The following PXDNL variants were observed in gnomAD, a reference collection of about 807,000 sequenced individuals.
PXDNL encodes the protein probable oxidoreductase PXDNL.
Under a neutral mutation model 150.8 loss-of-function variants are expected in PXDNL, and 145 were observed. The ratio of observed to expected loss-of-function variants is 0.96; its 90% CI spans 0.84 to 1.10. The LOEUF is 1.10. Among genes scored for constraint, PXDNL ranks in the 50% least tolerant of loss-of-function variants. PXDNL has a pLI of 0.00. For synonymous variants in PXDNL, 757 were observed against 725.7 expected, an observed-to-expected ratio of 1.04 and a Z score of -0.69; for missense variants, 2,087 against 1,873.9, an observed-to-expected ratio of 1.11 and a Z score of -2.10.
chr8:51,711,877 T>G (rs996994677), intron 1 of PXDNL, among the ~76,000 whole-genome samples: 1 of 152,272 alleles, frequency 6.6e-6, no homozygotes, highest in Non-Finnish European at 1.5e-5. Context: ...CATTTATTGT[T>G]ACTGAAACAC....
chr8:51,676,849 G>C (rs1815635462), intron 1 of PXDNL, among the ~76,000 whole-genome samples: 1 of 152,152 alleles, frequency 6.6e-6, no homozygotes, highest in South Asian at 2.1e-4. Context: ...TAATGAAAAA[G>C]AAGAAGATCA....
intron 11 of PXDNL, among the ~76,000 whole-genome samples, chr8:51,448,226 TGTAA>T (rs1200007550): frequency 6.6e-6 from 1 of 152,226 alleles, no homozygotes; most frequent in African/African-American, 2.4e-5. Context: ...CCAGATTCCC[TGTAA>T]GTGTCTGGCG....
intron 1 of PXDNL, among the ~76,000 whole-genome samples, chr8:51,719,070 G>A (rs1169335435): frequency 6.6e-6 from 1 of 151,912 alleles, no homozygotes; most frequent in Non-Finnish European, 1.5e-5. Context: ...CACCCCGTCT[G>A]GGAGGTGAGG....
intron 5 of PXDNL, among the ~76,000 whole-genome samples, chr8:51,493,312 T>TA (rs1326492696): frequency 7.3e-6 from 1 of 136,414 alleles, no homozygotes; most frequent in African/African-American, 3.2e-5. Flanking sequence ...CAAAAGTAGA[T>TA]AAAACCACAA....
chr8:51,637,187 T>A (rs1423675950), intron 2 of PXDNL, among the ~76,000 whole-genome samples: 1 of 152,096 alleles, frequency 6.6e-6, no homozygotes, highest in East Asian at 1.9e-4. Context: ...CAAAACCCCA[T>A]CTGTATGTTA....
chr8:51,759,453 G>A (rs569719116), intron 1 of PXDNL, among the ~76,000 whole-genome samples: 4 of 152,054 alleles, frequency 2.6e-5, no homozygotes, highest in African/African-American at 7.2e-5. Flanking sequence ...ATTTTCTCTT[G>A]ATTATCTATG....
chr8:51,406,158 G>A (rs2130879700), intron 17 of PXDNL, among the ~76,000 whole-genome samples: 1 of 152,290 alleles, frequency 6.6e-6, no homozygotes. Flanking sequence ...AAACATTCCG[G>A]GTACTCTAAT....
At chr8:51,626,186 G>A (rs1814357207) in intron 2 of PXDNL, among the ~76,000 whole-genome samples, 2 of 152,080 alleles carry the variant, frequency 1.3e-5, no homozygotes, top group African/African-American at 4.8e-5. Flanking sequence ...TATAATACTT[G>A]CTATGCACCT....
chr8:51,446,851 G>A (rs1352161350), intron 12 of PXDNL, among the ~76,000 whole-genome samples, 153 bp downstream of exon 12: 2 of 151,978 alleles, frequency 1.3e-5, no homozygotes, highest in African/African-American at 4.8e-5. Context: ...ATAAAAGACT[G>A]ATTGGAAGAA....
chr8:51,388,705 A>G (rs1807801486), intron 17 of PXDNL, among the ~76,000 whole-genome samples: 1 of 152,052 alleles, frequency 6.6e-6, no homozygotes, highest in Admixed American at 6.6e-5. Flanking sequence ...TAAATATTTG[A>G]TGTTTTCAAT....
rs577644813 is a variant in PXDNL at position 51,394,398 on chromosome 8, A to G, written c.3557+13669T>C. Among the ~76,000 whole-genome samples, 3 of 152,294 alleles carry G rather than the reference A, an allele frequency of 2.0e-5. No individual in the cohort carries two copies. The East Asian group carries it at 5.8e-4, about 29-fold the overall frequency. Reference sequence around the variant, plus strand: ...GACTTTTTTGATTTGACTGTCTCATATTGAGGTGAGAAAATTATAACTCTG... The same window carrying G: ...GACTTTTTTGATTTGACTGTCTCATGTTGAGGTGAGAAAATTATAACTCTG... On this transcript the variant is annotated intron_variant, in intron 17 of 22. Transcript: ENST00000356297.
At chr8:51,488,447 T>C (rs946837373) in intron 5 of PXDNL, among the ~76,000 whole-genome samples, 1 of 152,100 alleles carries the variant, frequency 6.6e-6, no homozygotes, top group Non-Finnish European at 1.5e-5. Context: ...CCACCATCCA[T>C]ACAGAACACC....
intron 12 of PXDNL, among the ~76,000 whole-genome samples, chr8:51,429,397 T>C (rs1809195856): frequency 6.6e-6 from 1 of 152,126 alleles, no homozygotes; most frequent in African/African-American, 2.4e-5. Context: ...CTGGCCAGCA[T>C]GGTGAAACCC....
chr8:51,625,575 G>C (rs1814346145), intron 2 of PXDNL, among the ~76,000 whole-genome samples: 1 of 152,100 alleles, frequency 6.6e-6, no homozygotes, highest in Non-Finnish European at 1.5e-5. Flanking sequence ...AAATATCAGG[G>C]TTCAAATTTC....
intron 1 of PXDNL, among the ~76,000 whole-genome samples, chr8:51,667,496 T>C (rs568241826): frequency 3.3e-5 from 5 of 152,202 alleles, no homozygotes; most frequent in Non-Finnish European, 5.9e-5. Flanking sequence ...GTTGCCCTCT[T>C]TTCTTCACCA....
intron 21 of PXDNL, among the ~76,000 whole-genome samples, chr8:51,329,359 G>C (rs116004920): frequency 0.031 from 4,792 of 152,232 alleles, 238 homozygotes; most frequent in African/African-American, 0.11. Context: ...TAAAGCCATG[G>C]CATCTACAGC....
At chr8:51,438,904 A>G (rs1484607131) in intron 12 of PXDNL, among the ~76,000 whole-genome samples, 3 of 152,222 alleles carry the variant, frequency 2.0e-5, no homozygotes, top group Non-Finnish European at 2.9e-5. Context: ...CTCATCTTTC[A>G]CCTTATACAA....
intron 1 of PXDNL, among the ~76,000 whole-genome samples, chr8:51,733,977 A>G (rs1283765295): frequency 6.6e-6 from 1 of 151,704 alleles, no homozygotes; most frequent in Non-Finnish European, 1.5e-5. Context: ...TTATGTTAAT[A>G]AACATCTTGA....
At chr8:51,776,977 T>C (rs1315392668) in intron 1 of PXDNL, among the ~76,000 whole-genome samples, 3 of 152,216 alleles carry the variant, frequency 2.0e-5, no homozygotes, top group Non-Finnish European at 4.4e-5. Flanking sequence ...GCTGGCAACT[T>C]ATGATACGTC....
Sources: allele counts gnomAD v4.1 joint callset (sites outside exome capture counted in the v4.1 genomes callset), GRCh38; gene constraint gnomAD v4.1.1; transcripts MANE v1.5; gene names NCBI Gene and HGNC (gene_info 2026-07-23, HGNC 2026-07-21).